The following C10orf143 variants were observed in gnomAD, a reference collection of about 807,000 sequenced individuals.
C10orf143 encodes the protein chromosome 10 open reading frame 143.
intron 1 of C10orf143, chr10:130,108,542 T>C (rs558883574): frequency 2.1e-5 from 13 of 624,012 alleles, no homozygotes; most frequent in African/African-American, 1.8e-4. Flanking sequence ...TTTGCTCAAA[T>C]TGAAACTTAA....
intron 1 of C10orf143, among the ~76,000 whole-genome samples, chr10:130,088,512 G>A (rs894041508): frequency 3.3e-5 from 5 of 152,174 alleles, no homozygotes; most frequent in African/African-American, 9.7e-5. Context: ...GGTATTTTGA[G>A]AATTTTTATT....
intron 3 of C10orf143, among the ~76,000 whole-genome samples, chr10:130,052,518 C>T (rs76711672): frequency 0.032 from 4,935 of 152,278 alleles, 252 homozygotes; most frequent in African/African-American, 0.11. Flanking sequence ...CTGGGTCTCA[C>T]GCCCAGACCA....
chr10:130,107,365 G>A, intron 1 of C10orf143: 1 of 1,082,950 alleles, frequency 9.2e-7, no homozygotes, highest in Non-Finnish European at 1.4e-6. Context: ...AAGAAGAATT[G>A]GAGAGAACTA....
chr10:130,072,785 A>AT (rs1311696051), intron 3 of C10orf143, among the ~76,000 whole-genome samples: 1 of 152,224 alleles, frequency 6.6e-6, no homozygotes, highest in Non-Finnish European at 1.5e-5. Flanking sequence ...CTTGTAGTCT[A>AT]TTAAGTGTGC....
chr10:130,062,143 G>A (rs1421354448), downstream of C10orf143, among the ~76,000 whole-genome samples: 2 of 152,134 alleles, frequency 1.3e-5, no homozygotes, highest in East Asian at 3.9e-4. Flanking sequence ...TAAAATGGCT[G>A]AAAACACCAA....
At chr10:130,110,675 T>A (rs1861752429) in intron 1 of C10orf143, 29 bp downstream of exon 1, 1 of 398,546 alleles carries the variant, frequency 2.5e-6, no homozygotes, top group Admixed American at 4.4e-5. Context: ...CGCCCTCCCG[T>A]CCCTAACGCC....
chr10:130,086,847 A>G (rs987237981), intron 1 of C10orf143, among the ~76,000 whole-genome samples: 1 of 152,240 alleles, frequency 6.6e-6, no homozygotes, highest in African/African-American at 2.4e-5. Flanking sequence ...TACAACACTT[A>G]TGAAACTATA....
downstream of C10orf143, among the ~76,000 whole-genome samples, chr10:130,059,636 T>C (rs117783432): frequency 2.6e-3 from 393 of 152,276 alleles, no homozygotes; most frequent in Admixed American, 7.0e-3. Flanking sequence ...TACCAATTTG[T>C]AGGAAACACA....
intron 3 of C10orf143, among the ~76,000 whole-genome samples, chr10:130,037,597 G>C (rs558653222): frequency 2.4e-4 from 37 of 152,336 alleles, no homozygotes; most frequent in South Asian, 8.3e-4. Context: ...TGTGCATCCT[G>C]CTGAGGGCAA....
intron 1 of C10orf143, among the ~76,000 whole-genome samples, chr10:130,091,594 G>A (rs865943704): frequency 6.6e-6 from 1 of 152,210 alleles, no homozygotes; most frequent in Non-Finnish European, 1.5e-5. Flanking sequence ...GTAGGCTTCA[G>A]AAGATGGGTA....
At chr10:130,053,183 C>T (rs1860756154) in intron 3 of C10orf143, among the ~76,000 whole-genome samples, 1 of 152,198 alleles carries the variant, frequency 6.6e-6, no homozygotes, top group East Asian at 1.9e-4. Context: ...ACCTCAGCCT[C>T]CTGAGTAGCT....
chr10:130,084,837 G>C (rs981221630), intron 1 of C10orf143, among the ~76,000 whole-genome samples: 1 of 152,144 alleles, frequency 6.6e-6, no homozygotes, highest in Non-Finnish European at 1.5e-5. Context: ...GAAAATACAA[G>C]ATGAGCCTCA....
intron 3 of C10orf143, among the ~76,000 whole-genome samples, chr10:130,038,948 G>T (rs1564950366): frequency 6.6e-6 from 1 of 152,132 alleles, no homozygotes; most frequent in Non-Finnish European, 1.5e-5. Flanking sequence ...CGCAGGGAGG[G>T]GCTTGACTGA....
downstream of C10orf143, among the ~76,000 whole-genome samples, chr10:130,059,728 A>AAGAG (rs1008613140): frequency 8.6e-5 from 13 of 151,470 alleles, no homozygotes; most frequent in Admixed American, 3.3e-4. Flanking sequence ...GTGGAGGGGA[A>AAGAG]AGAGAGAGAG....
chr10:130,100,132 G>A (rs950519227), intron 1 of C10orf143, among the ~76,000 whole-genome samples: 6 of 151,528 alleles, frequency 4.0e-5, no homozygotes, highest in Non-Finnish European at 5.9e-5. Context: ...CACCGCGCCC[G>A]GGCTTCATTT....
At position 130,056,282 on chromosome 10, in the gene C10orf143, C is replaced by T. The variant is rs1029331775; in HGVS notation, c.298-20312G>A. ...GGATCCTGCCCAGAGGGAAGCGCTG[C>T]CCCTCATGGCTCCAAGCTCCAGTGG... On this transcript the variant is annotated intron_variant and NMD_transcript_variant, in intron 3 of 5. Transcript: ENST00000643056. This position sits in a 1 kb window ranked among gnomAD's most constrained non-coding sequence, Gnocchi z 4.6. 1.3e-5 allele frequency among the ~76,000 whole-genome samples: 2 copies of T among 152,166 alleles called. No homozygotes were observed. Among genetic ancestry groups the T allele is most frequent in the African/African-American group, 4.8e-5 (2 of 41,420 alleles).
At chr10:130,038,585 T>C (rs1860571038) in intron 3 of C10orf143, among the ~76,000 whole-genome samples, 4 of 152,030 alleles carry the variant, frequency 2.6e-5, no homozygotes, top group Admixed American at 2.6e-4. Flanking sequence ...TAATTGGCGT[T>C]TGCTCGTTTT....
chr10:130,047,783 T>C (rs188292385), intron 3 of C10orf143, among the ~76,000 whole-genome samples: 75 of 152,276 alleles, frequency 4.9e-4, no homozygotes, highest in Middle Eastern at 6.8e-3. Context: ...CCATAAGAGA[T>C]GCCCAAACCC....
At chr10:130,103,265 T>C (rs994947703) in intron 1 of C10orf143, among the ~76,000 whole-genome samples, 21 of 152,142 alleles carry the variant, frequency 1.4e-4, no homozygotes, top group African/African-American at 5.1e-4. Context: ...GGTGTTGAGC[T>C]ACCACGCACA....
Sources: gnomAD v4.1 joint callset for allele counts (sites outside exome capture counted in the v4.1 genomes callset) on GRCh38, gnomAD v4.1.1 for gene constraint, Gnocchi (gnomAD v3.1) non-coding constraint, MANE v1.5 for transcripts, NCBI Gene and HGNC (gene_info 2026-07-23, HGNC 2026-07-21) for gene names.